The following GALNT17 variants were observed in gnomAD, a reference collection of about 807,000 sequenced individuals.
The protein encoded by GALNT17 is polypeptide N-acetylgalactosaminyltransferase 17, also known as UDP-GalNAc:polypeptide N-acetylgalactosaminyltransferase-like 3.
Under a neutral mutation model 63.7 loss-of-function variants are expected in GALNT17, and 29 were observed. The observed-to-expected ratio is 0.46, with a 90% CI of 0.34 to 0.62. The LOEUF is 0.62. GALNT17 is among the 20% of genes least tolerant of loss of function. The probability of loss-of-function intolerance (pLI) is 0.01; values close to 1 mark genes in which losing one functional copy is unlikely to be tolerated. For missense variants in GALNT17, 603 were observed against 799.6 expected (o/e 0.75, Z 2.97); for synonymous variants, 305 against 318.3 (o/e 0.96, Z 0.45).
chr7:71,623,575 G>T (rs553678930), intron 6 of GALNT17, among the ~76,000 whole-genome samples: 1 of 151,814 alleles, frequency 6.6e-6, no homozygotes, highest in Non-Finnish European at 1.5e-5. Flanking sequence ...ACACCACCAC[G>T]CCAAGCTATT....
chr7:71,485,262 T>G (rs1458797066), intron 5 of GALNT17, among the ~76,000 whole-genome samples: 1 of 152,086 alleles, frequency 6.6e-6, no homozygotes, highest in African/African-American at 2.4e-5. Flanking sequence ...TGCAACACCA[T>G]GCCCAGCTAA....
chr7:71,261,229 C>G (rs1222195427), intron 1 of GALNT17, among the ~76,000 whole-genome samples: 2 of 152,152 alleles, frequency 1.3e-5, no homozygotes, highest in East Asian at 3.9e-4. Flanking sequence ...ATCCTGGATT[C>G]TGCCTGGCAG....
intron 3 of GALNT17, among the ~76,000 whole-genome samples, chr7:71,392,411 A>T (rs2906258): frequency 0.52 from 79,539 of 151,980 alleles, 21,340 homozygotes; most frequent in Admixed American, 0.63. Flanking sequence ...TGGGGTATTT[A>T]TACACCTTTA....
At chr7:71,253,125 T>C (rs1228678552) in intron 1 of GALNT17, among the ~76,000 whole-genome samples, 1 of 152,210 alleles carries the variant, frequency 6.6e-6, no homozygotes, top group Non-Finnish European at 1.5e-5. Context: ...CTCAAATGAA[T>C]GCAACCACGT....
At chr7:71,701,856 CACATATATATATACATATATATATGT>C (rs1791647981) in intron 9 of GALNT17, among the ~76,000 whole-genome samples, 1 of 13,862 alleles carries the variant, frequency 7.2e-5, no homozygotes, top group Non-Finnish European at 3.1e-4. Flanking sequence ...TATATATATA[CACATATATATATACATATATATATGT>C]ATATATATAT....
intron 3 of GALNT17, among the ~76,000 whole-genome samples, chr7:71,390,383 C>T (rs151116536): frequency 1.4e-4 from 21 of 152,260 alleles, no homozygotes; most frequent in African/African-American, 4.3e-4. Context: ...CACCTGGGCC[C>T]AGTGGTTTGC....
rs1789395027 is a variant in GALNT17, at chr7:71,569,082, C to A, written c.963-2203C>A. 2.0e-5 allele frequency among the ~76,000 whole-genome samples: 3 copies of A among 152,130 alleles called. No individual in the cohort carries two copies. The South Asian group carries it at 6.2e-4, about 31-fold the overall frequency. ...TACCTCCCAGGTTCAAGTGATTCTC[C>A]TGCCTCAGCCTCCCGAGTAGCTGAG... is the stretch of plus-strand genomic sequence containing the variant. On this transcript the variant is annotated intron_variant, in intron 5 of 10. Coordinates refer to ENST00000333538, the MANE Select transcript of GALNT17 (RefSeq NM_022479.3).
At chr7:71,262,409 C>T (rs2115633815) in intron 1 of GALNT17, among the ~76,000 whole-genome samples, 1 of 152,216 alleles carries the variant, frequency 6.6e-6, no homozygotes. Flanking sequence ...AGCCACTGTG[C>T]CCAACCTGTT....
intron 2 of GALNT17, among the ~76,000 whole-genome samples, chr7:71,366,314 G>A (rs1038439622): frequency 4.6e-5 from 7 of 152,046 alleles, no homozygotes; most frequent in Admixed American, 3.9e-4. Context: ...GGCTGGGCAC[G>A]GTGGCTCACA....
intron 6 of GALNT17, among the ~76,000 whole-genome samples, chr7:71,596,839 G>A (rs1335461248): frequency 6.6e-6 from 1 of 151,956 alleles, no homozygotes; most frequent in African/African-American, 2.4e-5. Context: ...CAGGACATGA[G>A]TTTGGGCTGG....
At chr7:71,405,144 TCTC>T (rs1389960068) in intron 3 of GALNT17, among the ~76,000 whole-genome samples, 1 of 152,182 alleles carries the variant, frequency 6.6e-6, no homozygotes, top group African/African-American at 2.4e-5. Flanking sequence ...GGGAGCCAGC[TCTC>T]AGGACAAGCC....
At chr7:71,173,567 A>G (rs1389542679) in intron 1 of GALNT17, among the ~76,000 whole-genome samples, 2 of 152,030 alleles carry the variant, frequency 1.3e-5, no homozygotes, top group African/African-American at 4.8e-5. Context: ...GAAGTCAGGA[A>G]TTCGAGACCA....
intron 1 of GALNT17, among the ~76,000 whole-genome samples, chr7:71,166,934 G>A (rs1247469873): frequency 6.6e-6 from 1 of 152,058 alleles, no homozygotes; most frequent in Non-Finnish European, 1.5e-5. Context: ...ATGTCACTCA[G>A]GCTGGAGTAC....
chr7:71,148,957 A>G (rs1307801640), intron 1 of GALNT17, among the ~76,000 whole-genome samples: 1 of 150,444 alleles, frequency 6.6e-6, no homozygotes, highest in African/African-American at 2.4e-5. Flanking sequence ...TTTGAGACAC[A>G]GTCTTGCTCT....
intron 9 of GALNT17, among the ~76,000 whole-genome samples, chr7:71,700,957 C>A (rs1562741870): frequency 1.3e-5 from 2 of 152,202 alleles, no homozygotes; most frequent in Non-Finnish European, 2.9e-5. Context: ...GCCAGGCATT[C>A]TTCTAAGAGC....
chr7:71,478,844 A>G (rs1334646549), intron 5 of GALNT17, among the ~76,000 whole-genome samples: 1 of 152,238 alleles, frequency 6.6e-6, no homozygotes, highest in Non-Finnish European at 1.5e-5. Context: ...AAATTGTACC[A>G]GTGTTAATGG....
chr7:71,573,687 T>C (rs1003020853), intron 6 of GALNT17, among the ~76,000 whole-genome samples: 6 of 152,184 alleles, frequency 3.9e-5, no homozygotes, highest in African/African-American at 1.4e-4. Context: ...CAGGGGTTCA[T>C]GTGCAGGTTT....
chr7:71,199,614 A>ACCCCCCCCCCCCCCCAC (rs1789126076), intron 1 of GALNT17, among the ~76,000 whole-genome samples: 1 of 133,844 alleles, frequency 7.5e-6, no homozygotes, highest in African/African-American at 2.9e-5. Context: ...CACCTGATCC[A>ACCCCCCCCCCCCCCCAC]CCCGCCCACC....
chr7:71,635,720 G>T (rs1790518907), intron 6 of GALNT17, among the ~76,000 whole-genome samples: 1 of 152,176 alleles, frequency 6.6e-6, no homozygotes, highest in Admixed American at 6.5e-5. Flanking sequence ...AGGGCTGCTG[G>T]TTGCCCATTT....
Sources: allele counts gnomAD v4.1 joint callset (sites outside exome capture counted in the v4.1 genomes callset), GRCh38; gene constraint gnomAD v4.1.1; transcripts MANE v1.5; gene names NCBI Gene and HGNC (gene_info 2026-07-23, HGNC 2026-07-21).